Variants in CLN8 observed in about 807,000 individuals in gnomAD.
CLN8 encodes the protein protein CLN8.
Under a neutral mutation model 15.7 loss-of-function variants are expected in CLN8, and 14 were observed. That is an observed-to-expected ratio of 0.89 (90% CI 0.59 to 1.39). The LOEUF (loss-of-function observed/expected upper bound fraction) is 1.39, where lower values mean the gene tolerates loss of function less well. CLN8 is among the 40% of genes most tolerant of loss of function. CLN8 has a pLI of 0.00. For missense variants in CLN8, 415 were observed against 364.0 expected (o/e 1.14, Z -1.14); for synonymous variants, 188 against 151.0 (o/e 1.25, Z -1.80).
chr8:1,753,352 C>T (rs1190163668), upstream of CLN8, among the ~76,000 whole-genome samples: 5 of 152,042 alleles, frequency 3.3e-5, no homozygotes, highest in Admixed American at 2.6e-4. Flanking sequence ...GGGCAGATCA[C>T]CTGAGATCAG....
rs571317574 is a variant in CLN8 at position 1,772,597 on chromosome 8, T to C, written c.543+1000T>C. Reference sequence around the variant, plus strand: ...CCTCAGCCTCCCAAGTAGCTGGGATTACAGCGCCCACCACCACGCCTAGCT... The same window carrying C: ...CCTCAGCCTCCCAAGTAGCTGGGATCACAGCGCCCACCACCACGCCTAGCT... On this transcript the variant is annotated intron_variant, in intron 2 of 2. Transcript: ENST00000331222. 2.6e-5 allele frequency among the ~76,000 whole-genome samples: 4 copies of C among 152,238 alleles called. No individual in the cohort carries two copies. The South Asian group carries it at 8.3e-4, about 32-fold the overall frequency.
chr8:1,760,328 G>C (rs1377583272), upstream of CLN8: 1 of 152,168 alleles, frequency 6.6e-6, no homozygotes, highest in Non-Finnish European at 1.5e-5. Context: ...GATCTGTCGA[G>C]GAAGGAGGTG....
intron 2 of CLN8, among the ~76,000 whole-genome samples, chr8:1,776,248 G>C (rs1801511048): frequency 6.6e-6 from 1 of 152,250 alleles, no homozygotes; most frequent in Admixed American, 6.5e-5. Context: ...GAAGGTTCTG[G>C]AAGCTGGAAT....
At chr8:1,776,489 C>CG (rs1021219724) in intron 2 of CLN8, among the ~76,000 whole-genome samples, 1 of 151,338 alleles carries the variant, frequency 6.6e-6, no homozygotes, top group Non-Finnish European at 1.5e-5. Flanking sequence ...GAAATCTGTG[C>CG]GGGCAGATGT....
upstream of CLN8, among the ~76,000 whole-genome samples, chr8:1,753,578 A>AAAG (rs1800601015): frequency 6.9e-6 from 1 of 145,288 alleles, no homozygotes; most frequent in Non-Finnish European, 1.5e-5. Context: ...TCAAAAAAAA[A>AAAG]AAAAAAAGAA....
At chr8:1,773,414 A>C (rs1247543568) in intron 2 of CLN8, among the ~76,000 whole-genome samples, 2 of 152,116 alleles carry the variant, frequency 1.3e-5, no homozygotes, top group Non-Finnish European at 2.9e-5. Context: ...GGCCGGTGTG[A>C]TTTGGGTAGA....
intron 1 of CLN8, among the ~76,000 whole-genome samples, chr8:1,765,879 A>G (rs1032016331): frequency 6.6e-6 from 1 of 152,260 alleles, no homozygotes. Context: ...TTGGGGTTGT[A>G]AAACACTGAA....
At chr8:1,766,348 A>G (rs1408154624) in intron 1 of CLN8, among the ~76,000 whole-genome samples, 3 of 151,700 alleles carry the variant, frequency 2.0e-5, no homozygotes, top group Non-Finnish European at 4.4e-5. Context: ...TTCCAGAATG[A>G]AAGAACCAGA....
At chr8:1,757,191 T>C (rs1477654793) in intron 1 of CLN8, among the ~76,000 whole-genome samples, 1 of 152,184 alleles carries the variant, frequency 6.6e-6, no homozygotes, top group East Asian at 1.9e-4. Context: ...CTCACCACCA[T>C]TGATGTTGGG....
chr8:1,762,866 G>C (rs1163078218), upstream of CLN8: 1 of 152,216 alleles, frequency 6.6e-6, no homozygotes, highest in Non-Finnish European at 1.5e-5. Context: ...CATGCTATCG[G>C]TTCTTTCAAG....
chr8:1,777,441 A>T (rs558486712), intron 2 of CLN8, among the ~76,000 whole-genome samples: 1 of 152,266 alleles, frequency 6.6e-6, no homozygotes, highest in South Asian at 2.1e-4. Context: ...ATATAAAAAA[A>T]TTTCTTTAAT....
chr8:1,763,751 TG>T (rs1563102114), upstream of CLN8: 29 of 142,910 alleles, frequency 2.0e-4, no homozygotes, highest in Admixed American at 1.6e-3. Flanking sequence ...CGCACGCGCG[TG>T]CGAACGCGCG....
Position 1,783,351 on chromosome 8 carries a change from T to C in CLN8, c.*2784T>C, listed in dbSNP as rs113458667. Reference sequence around the variant, plus strand: ...ACATAACAGGAATTCTGGAACTGCTTGAAAACTAGGACGATTGGGCAATAT... The same window carrying C: ...ACATAACAGGAATTCTGGAACTGCTCGAAAACTAGGACGATTGGGCAATAT... On this transcript the variant is annotated 3_prime_UTR_variant, in exon 3 of 3. Coordinates refer to ENST00000331222, the MANE Select transcript of CLN8 (RefSeq NM_018941.4). 3.9e-5 allele frequency: 6 copies of C among 152,250 alleles called. No homozygotes were observed. The highest frequency in any genetic ancestry group is 1.3e-4 in the Admixed American group (2 of 15,286). 9.4% of individuals were successfully genotyped at this position (152,250 alleles called of 1,614,324 possible). A position where few individuals can be genotyped will look rare whatever the true frequency, so the allele number is the denominator to read the frequency against.
intron 2 of CLN8, chr8:1,773,115 C>A: frequency 2.5e-6 from 1 of 393,688 alleles, no homozygotes; most frequent in Non-Finnish European, 4.5e-6. Flanking sequence ...CAAGGAGGAA[C>A]TTGTGTTCCT....
chr8:1,774,055 C>A (rs1051161464), intron 2 of CLN8, among the ~76,000 whole-genome samples: 4 of 152,176 alleles, frequency 2.6e-5, no homozygotes, highest in African/African-American at 9.7e-5. Context: ...TTCTGTCTCT[C>A]CAGTCCTCAG....
chr8:1,775,334 G>C (rs1464133744), intron 2 of CLN8, among the ~76,000 whole-genome samples: 1 of 152,148 alleles, frequency 6.6e-6, no homozygotes, highest in Admixed American at 6.5e-5. Flanking sequence ...TCTGCAGGGA[G>C]CCCAGGAACC....
At chr8:1,770,251 T>A (rs1801245046) in intron 1 of CLN8, among the ~76,000 whole-genome samples, 2 of 152,138 alleles carry the variant, frequency 1.3e-5, no homozygotes, top group African/African-American at 4.8e-5. Context: ...TAAAGACTTT[T>A]CCAGGAGAGG....
chr8:1,770,146 C>T (rs1303427355), intron 1 of CLN8, among the ~76,000 whole-genome samples: 1 of 152,182 alleles, frequency 6.6e-6, no homozygotes. Flanking sequence ...GTACTTAACC[C>T]AGTCCATGGG....
intron 2 of CLN8, among the ~76,000 whole-genome samples, chr8:1,778,839 T>G (rs1801611747): frequency 6.6e-6 from 1 of 152,206 alleles, no homozygotes; most frequent in East Asian, 1.9e-4. Flanking sequence ...GAATAGATGC[T>G]CTTTGACTCA....
Sources: gnomAD v4.1 joint callset for allele counts (sites outside exome capture counted in the v4.1 genomes callset) on GRCh38, gnomAD v4.1.1 for gene constraint, MANE v1.5 for transcripts, NCBI Gene and HGNC (gene_info 2026-07-23, HGNC 2026-07-21) for gene names.